The following PTN variants were observed in gnomAD, a reference collection of about 807,000 sequenced individuals.
PTN encodes the protein heparin affin regulatory protein.
In PTN, 18 loss-of-function variants were observed where a neutral mutation model predicts 24.1. That is an observed-to-expected ratio of 0.75 (90% CI 0.52 to 1.11). The LOEUF (loss-of-function observed/expected upper bound fraction) is 1.11. Ranked by LOEUF, PTN falls within the 50% of genes least tolerant of loss-of-function variation. The pLI, the probability that PTN is intolerant of heterozygous loss-of-function variation, is 0.00. For synonymous variants in PTN, 78 were observed against 68.6 expected, an observed-to-expected ratio of 1.14 and a Z score of -0.67; for missense variants, 163 against 198.8, an observed-to-expected ratio of 0.82 and a Z score of 1.08.
chr7:137,252,393 T>C (rs978780681), intron 3 of PTN, among the ~76,000 whole-genome samples: 1 of 151,886 alleles, frequency 6.6e-6, no homozygotes, highest in Non-Finnish European at 1.5e-5. Context: ...TTAGGTTTTG[T>C]TTGTTTTGTT....
chr7:137,263,151 A>T (rs551663116), intron 1 of PTN, among the ~76,000 whole-genome samples: 1 of 152,264 alleles, frequency 6.6e-6, no homozygotes. Context: ...GAAGCTTTTT[A>T]TCATTTGAAG....
At chr7:137,253,737 T>A (rs1051665305) in intron 2 of PTN, 100 bp from the exon 3 acceptor site, 2 of 1,054,710 alleles carry the variant, frequency 1.9e-6, no homozygotes, top group Non-Finnish European at 2.6e-6. Context: ...AGGATCTGTG[T>A]TTTTTAATCT....
At chr7:137,323,905 G>A (rs968435881) in intron 1 of PTN, among the ~76,000 whole-genome samples, 27 of 152,132 alleles carry the variant, frequency 1.8e-4, no homozygotes, top group Non-Finnish European at 2.9e-5. Flanking sequence ...CATGGGGAGA[G>A]AGAAGAGAAT....
chr7:137,321,465 T>C (rs1810161740), intron 1 of PTN, among the ~76,000 whole-genome samples: 1 of 152,226 alleles, frequency 6.6e-6, no homozygotes, highest in Non-Finnish European at 1.5e-5. Flanking sequence ...GCTCATGTGT[T>C]AATTGCAAAA....
chr7:137,250,296 G>A (rs989214161), intron 4 of PTN, among the ~76,000 whole-genome samples: 7 of 152,098 alleles, frequency 4.6e-5, no homozygotes, highest in African/African-American at 1.7e-4. Flanking sequence ...GGCATCTGTA[G>A]GGCTGATTTC....
intron 1 of PTN, among the ~76,000 whole-genome samples, chr7:137,307,278 G>A (rs1809904359): frequency 6.6e-6 from 1 of 152,006 alleles, no homozygotes; most frequent in African/African-American, 2.4e-5. Flanking sequence ...TTCGGTTCCT[G>A]ACAATCTAAG....
At chr7:137,236,604 T>C (rs1370629609) in intron 4 of PTN, among the ~76,000 whole-genome samples, 1 of 152,158 alleles carries the variant, frequency 6.6e-6, no homozygotes, top group African/African-American at 2.4e-5. Context: ...TTATACTTCT[T>C]GACAGTGACC....
intron 1 of PTN, among the ~76,000 whole-genome samples, chr7:137,285,395 G>A (rs192235144): frequency 4.6e-5 from 7 of 152,256 alleles, no homozygotes; most frequent in African/African-American, 1.7e-4. Context: ...GCCAGGGGCG[G>A]TAGACCACGC....
At chr7:137,238,077 A>G (rs1808555368) in intron 4 of PTN, among the ~76,000 whole-genome samples, 1 of 152,146 alleles carries the variant, frequency 6.6e-6, no homozygotes, top group Non-Finnish European at 1.5e-5. Flanking sequence ...ACTCCTCTAG[A>G]AAAAGTCTTT....
intron 1 of PTN, among the ~76,000 whole-genome samples, chr7:137,275,391 C>T (rs979621363): frequency 6.6e-6 from 1 of 152,090 alleles, no homozygotes; most frequent in Non-Finnish European, 1.5e-5. Flanking sequence ...GCAACTATTT[C>T]GTAGACCACC....
intron 4 of PTN, among the ~76,000 whole-genome samples, chr7:137,239,973 C>T (rs1233764554): frequency 1.3e-5 from 2 of 152,056 alleles, no homozygotes; most frequent in Non-Finnish European, 2.9e-5. Context: ...CTCTCTTTGG[C>T]CTGAAGGACT....
chr7:137,257,606 T>C (rs181124270), intron 1 of PTN, among the ~76,000 whole-genome samples: 178 of 152,358 alleles, frequency 1.2e-3, no homozygotes, highest in Non-Finnish European at 2.2e-3. Flanking sequence ...CTGAAAGCCT[T>C]CTTTCTGTCA....
At position 137,251,355 on chromosome 7, in the gene PTN, C is replaced by G; in HGVS notation, c.326G>C (p.Cys109Ser). 6.2e-7 allele frequency: 1 copy of G among 1,614,148 alleles called. No homozygotes were observed. Among genetic ancestry groups the G allele is most frequent in the Non-Finnish European group, 8.5e-7 (1 of 1,180,014 alleles). Residue 109 changes from cysteine (C) to serine (S), a missense_variant, in exon 4 of 5, where the codon TGT (cysteine) becomes TCT (serine). By Grantham distance (112) the Cys-to-Ser change is moderately radical. Transcript: ENST00000348225. ...CKYQFQAWGE[C>S]DLNTALKTRT... ...GGTCTTCAGGGCTGTGTTCAGGTCA[C>G]ATTCTCCCCAGGCCTGGAACTGGTA...
chr7:137,284,730 G>A (rs1809527401), intron 1 of PTN, among the ~76,000 whole-genome samples: 1 of 152,120 alleles, frequency 6.6e-6, no homozygotes, highest in African/African-American at 2.4e-5. Context: ...AACTTGGAGA[G>A]GTGGCTACAA....
chr7:137,272,576 G>A (rs1232807235), intron 1 of PTN, among the ~76,000 whole-genome samples: 1 of 152,100 alleles, frequency 6.6e-6, no homozygotes, highest in African/African-American at 2.4e-5. Flanking sequence ...ATAAAATGTG[G>A]CATATAAAAC....
intron 1 of PTN, among the ~76,000 whole-genome samples, chr7:137,336,589 G>T (rs910926279): frequency 6.6e-6 from 1 of 152,180 alleles, no homozygotes; most frequent in Admixed American, 6.5e-5. Context: ...CAGAAGAAAG[G>T]ATTTTCAATC....
At chr7:137,232,724 C>A (rs1457740914) in intron 4 of PTN, among the ~76,000 whole-genome samples, 1 of 151,930 alleles carries the variant, frequency 6.6e-6, no homozygotes, top group Admixed American at 6.6e-5. Context: ...CAAATCTCAC[C>A]TTGAATTGTA....
At position 137,254,955 on chromosome 7, in the gene PTN, GGT is replaced by G; in HGVS notation, c.17_18del (p.Tyr6SerfsTer25). On this transcript the variant is annotated frameshift_variant, in exon 2 of 5. Coordinates refer to ENST00000348225, the MANE Select transcript of PTN (RefSeq NM_002825.7). LOFTEE classifies it high-confidence loss of function. ...GCTGCAAATTTTCGACGCTGCTGCT[GGT>G]ACTGTTGAGCCTGCATTCTAGGAAT... Reference protein sequence around the residue: MQAQQYQQQRRKFAAA... With the variant: MQAQQXQQQRRKFAAA... 6.4e-7 allele frequency: 1 copy of G among 1,560,510 alleles called. No homozygotes were observed. Among genetic ancestry groups the G allele is most frequent in the Non-Finnish European group, 8.8e-7 (1 of 1,141,198 alleles).
chr7:137,338,294 C>T (rs1238325625), intron 1 of PTN, among the ~76,000 whole-genome samples: 2 of 152,108 alleles, frequency 1.3e-5, no homozygotes, highest in East Asian at 3.9e-4. Context: ...CAGGGAGTGC[C>T]ATGTCTTAAA....
Sources: gnomAD v4.1 joint callset for allele counts (sites outside exome capture counted in the v4.1 genomes callset) on GRCh38, gnomAD v4.1.1 for gene constraint, MANE v1.5 for transcripts, NCBI Gene and HGNC (gene_info 2026-07-23, HGNC 2026-07-21) for gene names.